Variants in GCH1 observed in about 807,000 individuals in gnomAD.
GCH1 encodes GTP cyclohydrolase 1.
GCH1 carries 5 observed loss-of-function variants against 25.9 expected under a neutral mutation model. The observed-to-expected ratio is 0.19, with a 90% CI of 0.10 to 0.41. The LOEUF is 0.41. Among genes scored for constraint, GCH1 ranks in the 10% least tolerant of loss-of-function variants. GCH1 has a pLI of 1.00. For synonymous variants in GCH1, 159 were observed against 129.6 expected (o/e 1.23, Z -1.54); for missense variants, 261 against 336.5 (o/e 0.78, Z 1.75).
chr14:54,896,855 C>T (rs1292725985), intron 1 of GCH1, among the ~76,000 whole-genome samples: 1 of 146,968 alleles, frequency 6.8e-6, no homozygotes, highest in East Asian at 2.0e-4. Context: ...GGAGACCGAG[C>T]TTGCAGTGAG....
At chr14:54,884,388 A>G (rs2040316373) in intron 1 of GCH1, among the ~76,000 whole-genome samples, 3 of 152,224 alleles carry the variant, frequency 2.0e-5, no homozygotes, top group African/African-American at 7.2e-5. Flanking sequence ...CAGCAAAAGG[A>G]AAAAAGCCTG....
chr14:54,890,805 C>T (rs2040413265), intron 1 of GCH1, among the ~76,000 whole-genome samples: 1 of 152,098 alleles, frequency 6.6e-6, no homozygotes, highest in Admixed American at 6.5e-5. Context: ...AACAAACAAC[C>T]CAAAAAAACT....
At chr14:54,890,295 C>G (rs192652321) in intron 1 of GCH1, among the ~76,000 whole-genome samples, 1 of 152,278 alleles carries the variant, frequency 6.6e-6, no homozygotes, top group South Asian at 2.1e-4. Flanking sequence ...GTCAGGAGTT[C>G]GAGACCAGCC....
intron 1 of GCH1, among the ~76,000 whole-genome samples, chr14:54,868,842 C>T: frequency 6.6e-6 from 1 of 151,404 alleles, no homozygotes; most frequent in East Asian, 2.0e-4. Flanking sequence ...CCTCGTGATC[C>T]ACCCGCCTCA....
Position 54,859,728 on chromosome 14 carries a change from A to G in GCH1, c.462T>C (p.Ile154=). The G allele has an allele frequency of 6.3e-7, 1 of 1,586,316 alleles. No individual in the cohort carries two copies. The highest frequency in any genetic ancestry group is 1.1e-5 in the South Asian group (1 of 90,580). ...GGACTTGCTTGTTAGGAAGATAACC[A>G]ATATGGACCTTCAGAGAAGAGACGG... ...HLVPFVGKVH[I]GYLPNKQVLG... is the part of the protein sequence containing the mutation. The change falls in exon 3 of 6, where the codon ATT becomes ATC. Residue 154 remains isoleucine (I), a synonymous_variant. Coordinates refer to ENST00000491895, the MANE Select transcript of GCH1 (RefSeq NM_000161.3).
At chr14:54,873,657 G>C (rs865906920) in intron 1 of GCH1, among the ~76,000 whole-genome samples, 2 of 152,110 alleles carry the variant, frequency 1.3e-5, no homozygotes, top group Non-Finnish European at 1.5e-5. Context: ...AAATGATAAA[G>C]GGGATATCAC....
intron 1 of GCH1, among the ~76,000 whole-genome samples, chr14:54,879,768 T>C (rs2040217425): frequency 6.6e-6 from 1 of 151,884 alleles, no homozygotes; most frequent in African/African-American, 2.4e-5. Flanking sequence ...CGGAGGCCGA[T>C]GAGGGCAGGA....
intron 2 of GCH1, among the ~76,000 whole-genome samples, chr14:54,862,684 G>A (rs1163799148): frequency 7.4e-6 from 1 of 134,570 alleles, no homozygotes; most frequent in Non-Finnish European, 1.5e-5. Flanking sequence ...TGAGCTCAAA[G>A]CGATACATCC....
chr14:54,895,259 C>A (rs531325333), intron 1 of GCH1, among the ~76,000 whole-genome samples: 4 of 152,128 alleles, frequency 2.6e-5, no homozygotes, highest in Admixed American at 1.3e-4. Context: ...CTTCCTCAGC[C>A]CTCACAGGGA....
chr14:54,843,184 C>T lies in GCH1; in HGVS notation c.*833G>A. ...ATCACACAAAGGAAACTCAATAAACCTATAAAGTTAAAACTGAGCTGACTA... is the reference window on the plus strand; with the variant it reads ...ATCACACAAAGGAAACTCAATAAACTTATAAAGTTAAAACTGAGCTGACTA... On this transcript the variant is annotated 3_prime_UTR_variant, in exon 6 of 6. Coordinates refer to ENST00000491895, the MANE Select transcript of GCH1 (RefSeq NM_000161.3). 6.8e-7 allele frequency: 1 copy of T among 1,476,408 alleles called. No individual in the cohort carries two copies. The highest frequency in any genetic ancestry group is 9.0e-7 in the Non-Finnish European group (1 of 1,116,616). The allele number at this position is 1,476,408 out of a possible 1,614,324, so 91.5% of individuals were successfully genotyped here.
At chr14:54,863,142 A>G (rs554637844) in intron 2 of GCH1, among the ~76,000 whole-genome samples, 36 of 152,166 alleles carry the variant, frequency 2.4e-4, no homozygotes, top group South Asian at 1.2e-3. Context: ...TTTTAGGGCC[A>G]GGTGCGGTGG....
intron 2 of GCH1, among the ~76,000 whole-genome samples, chr14:54,860,538 CTTTTTTT>C (rs869140517): frequency 1.5e-5 from 2 of 134,188 alleles, no homozygotes; most frequent in South Asian, 2.4e-4. Context: ...CACCATCTTC[CTTTTTTT>C]TTTTTTTTTT....
chr14:54,854,126 G>A (rs1329882669), intron 3 of GCH1, among the ~76,000 whole-genome samples: 1 of 152,226 alleles, frequency 6.6e-6, no homozygotes, highest in African/African-American at 2.4e-5. Context: ...TCAACTTGTA[G>A]ATTTGTGATT....
At chr14:54,858,416 G>C (rs2039845687) in intron 3 of GCH1, among the ~76,000 whole-genome samples, 1 of 152,056 alleles carries the variant, frequency 6.6e-6, no homozygotes, top group Non-Finnish European at 1.5e-5. Context: ...CTCCTGATTA[G>C]CTGGGATTAC....
intron 1 of GCH1, among the ~76,000 whole-genome samples, chr14:54,868,097 C>A (rs949695827): frequency 1.3e-5 from 2 of 152,016 alleles, no homozygotes; most frequent in African/African-American, 2.4e-5. Flanking sequence ...TCTAGGGACA[C>A]AAAATATCTA....
intron 2 of GCH1, among the ~76,000 whole-genome samples, chr14:54,863,472 T>A (rs1594987306): frequency 2.2e-5 from 1 of 46,160 alleles, no homozygotes; most frequent in Non-Finnish European, 4.4e-5. Context: ...TCCAAAAAAG[T>A]ATTGACAGCA....
intron 1 of GCH1, among the ~76,000 whole-genome samples, chr14:54,897,004 C>T (rs2040495135): frequency 4.3e-5 from 5 of 115,938 alleles, no homozygotes; most frequent in East Asian, 2.5e-4. Flanking sequence ...TTCTACTCCA[C>T]TTTTTGTTTT....
At chr14:54,895,337 C>A (rs1411366284) in intron 1 of GCH1, among the ~76,000 whole-genome samples, 1 of 152,188 alleles carries the variant, frequency 6.6e-6, no homozygotes, top group African/African-American at 2.4e-5. Context: ...AAATTTTGAA[C>A]TGTTAACATG....
chr14:54,852,334 G>T (rs1239828389), intron 3 of GCH1, among the ~76,000 whole-genome samples: 1 of 152,148 alleles, frequency 6.6e-6, no homozygotes, highest in African/African-American at 2.4e-5. Context: ...AAGATTAATG[G>T]AAAGATATTG....
Sources: allele counts gnomAD v4.1 joint callset (sites outside exome capture counted in the v4.1 genomes callset), GRCh38; gene constraint gnomAD v4.1.1; transcripts MANE v1.5; gene names NCBI Gene and HGNC (gene_info 2026-07-23, HGNC 2026-07-21).